Variants in NEK11 observed in about 807,000 individuals in gnomAD.
The protein encoded by NEK11 is serine/threonine-protein kinase Nek11.
In NEK11, 72 loss-of-function variants were observed where a neutral mutation model predicts 80.7. That is an observed-to-expected ratio of 0.89 (90% CI 0.74 to 1.08). NEK11 has a LOEUF of 1.08. NEK11 is among the 50% of genes least tolerant of loss of function. The pLI, the probability that NEK11 is intolerant of heterozygous loss-of-function variation, is 0.00. For synonymous variants in NEK11, 251 were observed against 260.7 expected, an observed-to-expected ratio of 0.96 and a Z score of 0.36; for missense variants, 764 against 763.6, an observed-to-expected ratio of 1.00 and a Z score of -0.01.
chr3:131,211,817 C>G (rs182051269), intron 14 of NEK11, among the ~76,000 whole-genome samples: 16 of 152,236 alleles, frequency 1.1e-4, no homozygotes, highest in Admixed American at 9.8e-4. Context: ...TTTCATCTCC[C>G]TCAGGCCGTT....
intron 4 of NEK11, among the ~76,000 whole-genome samples, chr3:131,084,558 T>G (rs16835756): frequency 0.01 from 1,531 of 152,284 alleles, 19 homozygotes; most frequent in East Asian, 0.072. Flanking sequence ...AGGCATTAAA[T>G]TAGTAGACAC....
Position 131,205,820 on chromosome 3 carries a change from A to G in NEK11, c.1400-22708A>G, listed in dbSNP as rs1011024277. ...TCATCTCAAGAGTCTTTTTCTGGGG[A>G]ATTCAGCCTAAGACACCTAGCTTTT... On this transcript the variant is annotated intron_variant, in intron 14 of 17. Transcript: ENST00000383366. 2.4e-4 allele frequency among the ~76,000 whole-genome samples: 36 copies of G among 152,286 alleles called. 1 individual carries two copies. The Middle Eastern group carries it at 0.01, about 43-fold the overall frequency.
chr3:131,184,736 GA>G (rs1196520282), intron 14 of NEK11: 9 of 1,244,652 alleles, frequency 7.2e-6, no homozygotes, highest in African/African-American at 1.6e-5. Context: ...ACGAATACTG[GA>G]AAAATGAAAA....
intron 9 of NEK11, among the ~76,000 whole-genome samples, chr3:131,153,255 C>G (rs186017934): frequency 4.3e-4 from 65 of 152,290 alleles, no homozygotes; most frequent in Non-Finnish European, 7.5e-4. Flanking sequence ...GCTCTGTTGA[C>G]AGATCTTACC....
chr3:131,210,421 ACGTGGTGCTGAGAAGAATGTATATT>A (rs1374378158), intron 14 of NEK11, among the ~76,000 whole-genome samples: 2 of 152,144 alleles, frequency 1.3e-5, no homozygotes, highest in Admixed American at 6.5e-5. Flanking sequence ...AGTAAGTGCA[ACGTGGTGCTGAGAAGAATGTATATT>A]CTGTTGATTT....
intron 14 of NEK11, among the ~76,000 whole-genome samples, chr3:131,183,679 C>A (rs1336071465): frequency 1.3e-5 from 2 of 152,208 alleles, no homozygotes; most frequent in Non-Finnish European, 2.9e-5. Flanking sequence ...TTTATCCAGT[C>A]TATCACTGAT....
intron 3 of NEK11, among the ~76,000 whole-genome samples, chr3:131,044,410 G>A (rs982703295): frequency 6.0e-5 from 3 of 49,776 alleles, no homozygotes; most frequent in African/African-American, 1.9e-4. Flanking sequence ...TATTTACCAA[G>A]CAAATGGAAA....
At chr3:131,346,282 ACAT>A (rs1456699072) in intron 17 of NEK11, among the ~76,000 whole-genome samples, 10 of 152,204 alleles carry the variant, frequency 6.6e-5, no homozygotes, top group Admixed American at 3.3e-4. Context: ...GTATCCCAAA[ACAT>A]CATGTTGTAA....
chr3:131,066,868 AAG>A lies in NEK11; in HGVS notation c.171-13552_171-13551del, dbSNP rs929265012. Among the ~76,000 whole-genome samples the A allele has an allele frequency of 1.1e-4, 16 of 151,684 alleles. 1 individual carries two copies. Among genetic ancestry groups the A allele is most frequent in the Admixed American group, 1.3e-4 (2 of 15,186 alleles). On this transcript the variant is annotated intron_variant, in intron 3 of 17. Transcript: ENST00000383366. ...AAAAAAAAAAAAAAAAGAAAAGAAA[AAG>A]AGGATTTACAAGTGGGATCTCAGTT... is the stretch of plus-strand genomic sequence containing the variant.
intron 3 of NEK11, among the ~76,000 whole-genome samples, chr3:131,069,358 A>G (rs2072743060): frequency 6.6e-6 from 1 of 152,144 alleles, no homozygotes; most frequent in South Asian, 2.1e-4. Context: ...TTTCTGTAAT[A>G]TTCAAAATAC....
intron 17 of NEK11, among the ~76,000 whole-genome samples, chr3:131,291,898 TCTC>T (rs1192340375): frequency 6.6e-6 from 1 of 152,214 alleles, no homozygotes; most frequent in Non-Finnish European, 1.5e-5. Flanking sequence ...TGGCTTGTCT[TCTC>T]ATTCTCTTGA....
intron 3 of NEK11, among the ~76,000 whole-genome samples, chr3:131,061,846 C>A (rs2070935500): frequency 6.6e-6 from 1 of 152,178 alleles, no homozygotes; most frequent in African/African-American, 2.4e-5. Context: ...CATGGCACTG[C>A]TGCCTAGGAA....
At chr3:131,101,699 C>A (rs974314924) in intron 4 of NEK11, among the ~76,000 whole-genome samples, 2 of 152,140 alleles carry the variant, frequency 1.3e-5, no homozygotes, top group Admixed American at 6.6e-5. Context: ...CATATATATT[C>A]TGTGGTTGTT....
chr3:131,209,063 T>C (rs1014373937), intron 14 of NEK11, among the ~76,000 whole-genome samples: 21 of 152,150 alleles, frequency 1.4e-4, no homozygotes, highest in Non-Finnish European at 2.8e-4. Context: ...GGGAATGCTT[T>C]CAGTTTTTGC....
chr3:131,279,207 G>A (rs760588003), intron 17 of NEK11, among the ~76,000 whole-genome samples: 4 of 151,798 alleles, frequency 2.6e-5, no homozygotes, highest in Admixed American at 6.6e-5. Context: ...AAAATTAGCC[G>A]GGCATGGTGG....
intron 10 of NEK11, among the ~76,000 whole-genome samples, chr3:131,161,917 A>T (rs752098593): frequency 6.6e-6 from 1 of 152,242 alleles, no homozygotes; most frequent in Non-Finnish European, 1.5e-5. Flanking sequence ...GGCACTGTGC[A>T]TATGTTATCT....
chr3:131,203,663 C>T (rs113502142), intron 14 of NEK11, among the ~76,000 whole-genome samples: 2 of 137,868 alleles, frequency 1.5e-5, no homozygotes, highest in African/African-American at 2.8e-5. Context: ...CACACACACA[C>T]ATATATAAAG....
chr3:131,348,673 A>G (rs556701586), intron 17 of NEK11, among the ~76,000 whole-genome samples: 3 of 151,224 alleles, frequency 2.0e-5, no homozygotes, highest in African/African-American at 7.3e-5. Flanking sequence ...TGAAATAAAC[A>G]TACTAGATAT....
chr3:131,265,873 T>C (rs2096045008), intron 16 of NEK11, among the ~76,000 whole-genome samples: 1 of 152,234 alleles, frequency 6.6e-6, no homozygotes, highest in Non-Finnish European at 1.5e-5. Context: ...AGGCTGTTAA[T>C]TACTGCCCCA....
Sources: allele counts gnomAD v4.1 joint callset (sites outside exome capture counted in the v4.1 genomes callset), GRCh38; gene constraint gnomAD v4.1.1; transcripts MANE v1.5; gene names NCBI Gene and HGNC (gene_info 2026-07-23, HGNC 2026-07-21).